DLC1: variants seen among roughly 807,000 people sequenced by gnomAD.
DLC1 encodes rho GTPase-activating protein 7.
A neutral mutation model predicts 140.3 loss-of-function variants in DLC1; 54 were observed. The observed-to-expected ratio is 0.38, with a 90% CI of 0.31 to 0.48. The LOEUF (loss-of-function observed/expected upper bound fraction) is 0.48, where lower values mean the gene tolerates loss of function less well. Ranked by LOEUF, DLC1 falls within the 20% of genes least tolerant of loss-of-function variation. DLC1 has a pLI of 0.96. For synonymous variants in DLC1, 986 were observed against 728.1 expected, an observed-to-expected ratio of 1.35 and a Z score of -5.70; for missense variants, 2,536 against 1,907.0, an observed-to-expected ratio of 1.33 and a Z score of -6.14.
At chr8:13,307,848 C>A (rs78772518) in intron 4 of DLC1, among the ~76,000 whole-genome samples, 5,900 of 152,156 alleles carry the variant, frequency 0.039, 183 homozygotes, top group Non-Finnish European at 0.053. Context: ...AAGCAAGGCA[C>A]AATACAGGCA....
At chr8:13,567,634 C>A in intron 1 of DLC1, 1 of 1,551,644 alleles carries the variant, frequency 6.4e-7, no homozygotes, top group Non-Finnish European at 8.7e-7. Context: ...GTCTGCCTTT[C>A]TGAAACAAAA....
chr8:13,378,654 C>T (rs1490897700), intron 4 of DLC1, among the ~76,000 whole-genome samples: 4 of 152,062 alleles, frequency 2.6e-5, no homozygotes, highest in Admixed American at 2.0e-4. Context: ...CACCTTATTA[C>T]ATGTTTTTTT....
chr8:13,513,022 C>T (rs1802447122), intron 1 of DLC1, among the ~76,000 whole-genome samples: 1 of 147,266 alleles, frequency 6.8e-6, no homozygotes, highest in Non-Finnish European at 1.5e-5. Flanking sequence ...CTGCAAAGCA[C>T]CCTTCTACTG....
chr8:13,327,837 CT>C (rs1402103979), intron 4 of DLC1, among the ~76,000 whole-genome samples: 2 of 152,178 alleles, frequency 1.3e-5, no homozygotes, highest in African/African-American at 4.8e-5. Flanking sequence ...TAATTAAACA[CT>C]GTGGAGAGTG....
At chr8:13,518,570 G>T (rs1349244054), upstream of DLC1, among the ~76,000 whole-genome samples, 1 of 152,276 alleles carries the variant, frequency 6.6e-6, no homozygotes, top group Non-Finnish European at 1.5e-5. Flanking sequence ...TTTATGTAAA[G>T]CAAGATCTAT....
chr8:13,529,182 C>A (rs149507256), intron 1 of DLC1, among the ~76,000 whole-genome samples: 1 of 152,194 alleles, frequency 6.6e-6, no homozygotes, highest in African/African-American at 2.4e-5. Context: ...AAGCTACTTG[C>A]TGTTCAAATG....
chr8:13,590,278 T>G (rs183850618), intron 1 of DLC1, among the ~76,000 whole-genome samples: 1 of 151,942 alleles, frequency 6.6e-6, no homozygotes, highest in South Asian at 2.1e-4. Flanking sequence ...CTTTCTAAGG[T>G]AGAAGCCATA....
At chr8:13,405,572 C>T (rs1346299965) in intron 2 of DLC1, among the ~76,000 whole-genome samples, 1 of 152,110 alleles carries the variant, frequency 6.6e-6, no homozygotes, top group Non-Finnish European at 1.5e-5. Context: ...CCTGGCTCTT[C>T]CCACTCCCCT....
intron 5 of DLC1, among the ~76,000 whole-genome samples, chr8:13,201,546 T>C (rs28525137): frequency 0.29 from 44,330 of 151,984 alleles, 9,024 homozygotes; most frequent in African/African-American, 0.57. Flanking sequence ...AGAAAAGCTC[T>C]TAATTTCTAA....
intron 7 of DLC1, among the ~76,000 whole-genome samples, chr8:13,103,074 G>C (rs1366148952): frequency 6.6e-6 from 1 of 152,136 alleles, no homozygotes; most frequent in Non-Finnish European, 1.5e-5. Context: ...ACTTTGGGAG[G>C]CCTAGGCGGG....
chr8:13,104,500 C>T (rs1819388610), intron 7 of DLC1, among the ~76,000 whole-genome samples: 1 of 152,210 alleles, frequency 6.6e-6, no homozygotes, highest in Non-Finnish European at 1.5e-5. Flanking sequence ...AGATGATCAT[C>T]ACTTAGTCTT....
chr8:13,286,481 T>C (rs1235403577), intron 5 of DLC1, among the ~76,000 whole-genome samples: 1 of 152,206 alleles, frequency 6.6e-6, no homozygotes, highest in Non-Finnish European at 1.5e-5. Flanking sequence ...TATCAGTTCA[T>C]TCATTATAAA....
At chr8:13,550,043 C>T (rs901948885) in intron 1 of DLC1, among the ~76,000 whole-genome samples, 1 of 152,088 alleles carries the variant, frequency 6.6e-6, no homozygotes, top group African/African-American at 2.4e-5. Flanking sequence ...AGACTCTAGT[C>T]TGAGAAACAG....
intron 4 of DLC1, among the ~76,000 whole-genome samples, chr8:13,369,014 G>A (rs558794174): frequency 2.7e-3 from 405 of 152,214 alleles, no homozygotes; most frequent in Non-Finnish European, 4.8e-3. Context: ...TAGAGACAGG[G>A]TTTCACCATG....
chr8:13,544,967 G>T (rs1803605915), intron 1 of DLC1, among the ~76,000 whole-genome samples: 1 of 152,090 alleles, frequency 6.6e-6, no homozygotes, highest in South Asian at 2.1e-4. Flanking sequence ...TAGACTCCAA[G>T]TTTAATAGCA....
chr8:13,180,560 T>G (rs909594649), intron 5 of DLC1, among the ~76,000 whole-genome samples: 5 of 152,016 alleles, frequency 3.3e-5, no homozygotes, highest in Non-Finnish European at 7.4e-5. Flanking sequence ...AGAACACAAT[T>G]TTGGCAATAA....
intron 5 of DLC1, among the ~76,000 whole-genome samples, chr8:13,299,365 A>G (rs1225508251): frequency 6.6e-6 from 1 of 151,108 alleles, no homozygotes; most frequent in African/African-American, 2.4e-5. Flanking sequence ...GGAGAATTGC[A>G]TGAACCCAGG....
chr8:13,234,262 G>T (rs1470483336), intron 5 of DLC1, among the ~76,000 whole-genome samples: 1 of 152,092 alleles, frequency 6.6e-6, no homozygotes, highest in African/African-American at 2.4e-5. Context: ...GGATCATGCT[G>T]TAGTTACTTT....
intron 4 of DLC1, chr8:13,353,526 A>G (rs993876100): frequency 6.6e-6 from 1 of 152,140 alleles, no homozygotes; most frequent in Non-Finnish European, 1.5e-5. Flanking sequence ...TTTGTAACCT[A>G]TAATATCTGT....
Sources: allele counts gnomAD v4.1 joint callset (sites outside exome capture counted in the v4.1 genomes callset), GRCh38; gene constraint gnomAD v4.1.1; transcripts MANE v1.5; gene names NCBI Gene and HGNC (gene_info 2026-07-23, HGNC 2026-07-21).